Variants in ASAP2 observed in about 807,000 individuals in gnomAD.
The protein encoded by ASAP2 is arf-GAP with SH3 domain, ANK repeat and PH domain-containing protein 2.
A neutral mutation model predicts 131.4 loss-of-function variants in ASAP2; 45 were observed. The observed-to-expected ratio is 0.34, with a 90% confidence interval of 0.27 to 0.44. The LOEUF (loss-of-function observed/expected upper bound fraction) is 0.44, where lower values mean the gene tolerates loss of function less well. ASAP2 is among the 20% of genes least tolerant of loss of function. The probability of loss-of-function intolerance (pLI) is 1.00; values close to 1 mark genes in which losing one functional copy is unlikely to be tolerated. For missense variants in ASAP2, 1,011 were observed against 1,297.0 expected (o/e 0.78, Z 3.39); for synonymous variants, 510 against 503.0 (o/e 1.01, Z -0.19).
At chr2:9,397,887 T>C (rs1019787082) in intron 24 of ASAP2, among the ~76,000 whole-genome samples, 5 of 148,574 alleles carry the variant, frequency 3.4e-5, no homozygotes, top group African/African-American at 1.3e-4. Context: ...GCCTCCTGAG[T>C]AGCTGGGACT....
At chr2:9,212,986 A>G (rs1661703256) in intron 1 of ASAP2, among the ~76,000 whole-genome samples, 1 of 152,234 alleles carries the variant, frequency 6.6e-6, no homozygotes. Context: ...TCTGACTTAA[A>G]TTAGTCTGGG....
intron 15 of ASAP2, among the ~76,000 whole-genome samples, chr2:9,365,089 A>T (rs1027425467): frequency 7.2e-5 from 11 of 152,208 alleles, no homozygotes; most frequent in Non-Finnish European, 1.5e-5. Flanking sequence ...ACCTACACTT[A>T]CTAAGAAATA....
intron 1 of ASAP2, among the ~76,000 whole-genome samples, chr2:9,216,997 T>C (rs1019656348): frequency 2.0e-5 from 3 of 152,158 alleles, no homozygotes; most frequent in Non-Finnish European, 4.4e-5. Context: ...TTAGTTATTA[T>C]CAAAATGCTA....
At chr2:9,383,576 TAGAG>T (rs1675035743) in intron 20 of ASAP2, among the ~76,000 whole-genome samples, 1 of 152,146 alleles carries the variant, frequency 6.6e-6, no homozygotes, top group African/African-American at 2.4e-5. Context: ...ATTACATTAA[TAGAG>T]AGGCAAGCTG....
At chr2:9,210,625 A>G (rs1572164485) in intron 1 of ASAP2, among the ~76,000 whole-genome samples, 1 of 150,118 alleles carries the variant, frequency 6.7e-6, no homozygotes, top group Admixed American at 6.6e-5. Flanking sequence ...CTCGATCCCC[A>G]CTCACTGCAA....
intron 1 of ASAP2, among the ~76,000 whole-genome samples, chr2:9,224,539 G>A (rs561468504): frequency 1.3e-5 from 2 of 152,236 alleles, no homozygotes; most frequent in East Asian, 3.9e-4. Context: ...CAAGGTTGTC[G>A]TGTCATCCTT....
At chr2:9,247,956 CTCCACTTA>C (rs1370111841) in intron 1 of ASAP2, among the ~76,000 whole-genome samples, 1 of 152,204 alleles carries the variant, frequency 6.6e-6, no homozygotes, top group Non-Finnish European at 1.5e-5. Flanking sequence ...CATAATTATG[CTCCACTTA>C]TCCAGAGGTC....
At chr2:9,338,347 A>ATCTCTC (rs372489671) in intron 9 of ASAP2, among the ~76,000 whole-genome samples, 4,439 of 147,086 alleles carry the variant, frequency 0.03, 215 homozygotes, top group African/African-American at 0.11. Context: ...GTCTGTCTCT[A>ATCTCTC]TCTCTCTCTC....
At chr2:9,328,282 C>T (rs2148533324) in intron 7 of ASAP2, among the ~76,000 whole-genome samples, 1 of 152,164 alleles carries the variant, frequency 6.6e-6, no homozygotes, top group South Asian at 2.1e-4. Flanking sequence ...CTAATGATTG[C>T]ACAACTTTGT....
intron 11 of ASAP2, among the ~76,000 whole-genome samples, chr2:9,347,035 G>A (rs1672010458): frequency 6.6e-6 from 1 of 151,902 alleles, no homozygotes; most frequent in South Asian, 2.1e-4. Context: ...TGTTTGGAGG[G>A]GAAAACCCTC....
At position 9,295,348 on chromosome 2, in the gene ASAP2, T is replaced by A. The variant is rs866572565; in HGVS notation, c.200-1952T>A. ...ATAGTGTTATGAGAAATAATACATG[T>A]CTTACGAAGTTTAGAAAAAATATAT... On this transcript the variant is annotated intron_variant, in intron 2 of 27. Transcript: ENST00000281419. 3.3e-5 allele frequency among the ~76,000 whole-genome samples: 5 copies of A among 152,340 alleles called. No homozygotes were observed. In the South Asian group the frequency reaches 1.0e-3, roughly 32 times the overall value.
intron 1 of ASAP2, among the ~76,000 whole-genome samples, chr2:9,243,123 T>C (rs952168734): frequency 6.6e-6 from 1 of 152,212 alleles, no homozygotes; most frequent in Non-Finnish European, 1.5e-5. Flanking sequence ...TGTTTTGTTT[T>C]TTTGAGACGG....
At chr2:9,211,790 A>G (rs1661580141) in intron 1 of ASAP2, among the ~76,000 whole-genome samples, 1 of 152,194 alleles carries the variant, frequency 6.6e-6, no homozygotes, top group South Asian at 2.1e-4. Context: ...CTTTTTGGCA[A>G]GAATGTGATT....
At chr2:9,317,975 GAC>G (rs1415706440) in intron 3 of ASAP2, among the ~76,000 whole-genome samples, 1 of 149,520 alleles carries the variant, frequency 6.7e-6, no homozygotes, top group Non-Finnish European at 1.5e-5. Flanking sequence ...CACACTCATT[GAC>G]ACACACTCTC....
At chr2:9,296,207 G>A (rs1572379404) in intron 2 of ASAP2, among the ~76,000 whole-genome samples, 1 of 152,224 alleles carries the variant, frequency 6.6e-6, no homozygotes, top group East Asian at 1.9e-4. Flanking sequence ...TAGAAATTAG[G>A]TAGCCATGCA....
intron 11 of ASAP2, among the ~76,000 whole-genome samples, chr2:9,346,038 A>G (rs1208465098): frequency 6.6e-6 from 1 of 151,614 alleles, no homozygotes; most frequent in Non-Finnish European, 1.5e-5. Context: ...AATGAAGGTC[A>G]TTTTCTATTT....
chr2:9,233,528 G>A (rs1558253035), intron 1 of ASAP2, among the ~76,000 whole-genome samples: 2 of 152,208 alleles, frequency 1.3e-5, no homozygotes, highest in Non-Finnish European at 2.9e-5. Flanking sequence ...GAAATGCAGA[G>A]ATGGATAAGA....
intron 24 of ASAP2, among the ~76,000 whole-genome samples, chr2:9,395,306 C>T (rs1295022546): frequency 6.6e-6 from 1 of 152,112 alleles, no homozygotes; most frequent in Non-Finnish European, 1.5e-5. Flanking sequence ...AACCCCACCT[C>T]TACTAAAAAT....
chr2:9,331,833 A>G (rs1670861572), intron 7 of ASAP2, among the ~76,000 whole-genome samples: 1 of 152,136 alleles, frequency 6.6e-6, no homozygotes, highest in African/African-American at 2.4e-5. Context: ...TCTTTGAGCC[A>G]ATACCTGCTG....
Sources: allele counts gnomAD v4.1 joint callset (sites outside exome capture counted in the v4.1 genomes callset), GRCh38; gene constraint gnomAD v4.1.1; transcripts MANE v1.5; gene names NCBI Gene and HGNC (gene_info 2026-07-23, HGNC 2026-07-21).